Variants in RALB observed in about 807,000 individuals in gnomAD.
RALB encodes ras-related protein Ral-B.
A neutral mutation model predicts 21.3 loss-of-function variants in RALB; 16 were observed. That is an observed-to-expected ratio of 0.75 (90% confidence interval 0.51 to 1.14). The LOEUF (loss-of-function observed/expected upper bound fraction) is 1.14. RALB is among the 50% of genes most tolerant of loss of function. The probability of loss-of-function intolerance (pLI) is 0.00; values close to 1 mark genes in which losing one functional copy is unlikely to be tolerated. For missense variants in RALB, 161 were observed against 256.2 expected (o/e 0.63, Z 2.54); for synonymous variants, 93 against 96.1 (o/e 0.97, Z 0.19).
chr2:120,293,280 A>C lies in RALB; in HGVS notation c.*20A>C, dbSNP rs775827430. On this transcript the variant is annotated 3_prime_UTR_variant, in exon 5 of 5. Transcript: ENST00000272519. ...CTATGAGTGTCAAGGTGACGGATGA[A>C]GCCAGCTGCTCCTAAGGACACAGGG... 4.4e-6 allele frequency: 7 copies of C among 1,603,646 alleles called. No homozygotes were observed. Among genetic ancestry groups the C allele is most frequent in the Middle Eastern group, 1.7e-4 (1 of 6,002 alleles).
chr2:120,251,532 T>G (rs939453212), upstream of RALB, among the ~76,000 whole-genome samples: 9 of 152,198 alleles, frequency 5.9e-5, no homozygotes, highest in Non-Finnish European at 1.2e-4. Context: ...TAACTGCTAG[T>G]CACAAGGTAG....
rs1208732886 is a variant in RALB at position 120,252,982 on chromosome 2, T to G, written c.-48+2T>G. ...CGGAGGCGGCGGGACTGGTCCCTGG[T>G]AAGGGCGCGGCGCCCGCGGGCCCCG... On this transcript the variant is annotated splice_donor_variant, in intron 1 of 4. Transcript: ENST00000272519. LOFTEE classifies it low-confidence loss of function (5UTR_SPLICE). 1.0e-6 allele frequency: 1 copy of G among 984,388 alleles called. No homozygotes were observed. 61.0% of individuals were successfully genotyped at this position (984,388 alleles called of 1,614,324 possible).
Position 120,267,152 on chromosome 2 carries a change from T to G in RALB, c.-47-11466T>G, listed in dbSNP as rs895653762. Among the ~76,000 whole-genome samples the G allele has an allele frequency of 5.3e-5, 8 of 152,168 alleles. 1 individual carries two copies. Among genetic ancestry groups the G allele is most frequent in the Admixed American group, 3.9e-4 (6 of 15,290 alleles). On this transcript the variant is annotated intron_variant, in intron 1 of 4. Transcript: ENST00000272519. ...GCTTACAGGAAGGGACTCCAAAGCC[T>G]TCTAGTTTTTGTTTTAGTTAACTTC...
chr2:120,246,825 C>T (rs555042853), intron 1 of RALB, among the ~76,000 whole-genome samples: 42 of 151,510 alleles, frequency 2.8e-4, no homozygotes, highest in Non-Finnish European at 4.9e-4. Flanking sequence ...GTGCAGTCCC[C>T]GCTGCGTCTG....
chr2:120,288,278 T>A (rs1690215541), intron 3 of RALB, among the ~76,000 whole-genome samples: 1 of 152,086 alleles, frequency 6.6e-6, no homozygotes, highest in African/African-American at 2.4e-5. Flanking sequence ...CATCTTTTCA[T>A]CTTTTTTAGT....
chr2:120,245,182 G>A (rs1364388467), intron 1 of RALB, among the ~76,000 whole-genome samples: 1 of 152,240 alleles, frequency 6.6e-6, no homozygotes, highest in Non-Finnish European at 1.5e-5. Context: ...AGAGAGTGGA[G>A]GTAACCTGTT....
At chr2:120,266,258 T>G (rs557684011) in intron 1 of RALB, among the ~76,000 whole-genome samples, 21 of 152,298 alleles carry the variant, frequency 1.4e-4, no homozygotes, top group Admixed American at 1.2e-3. Context: ...TTTATTTTAT[T>G]TTTTGAGATG....
chr2:120,281,558 A>G (rs755162850), intron 2 of RALB, among the ~76,000 whole-genome samples: 2 of 152,216 alleles, frequency 1.3e-5, no homozygotes, highest in African/African-American at 2.4e-5. Flanking sequence ...AAACCTGGTT[A>G]TCCTCCTGGG....
chr2:120,267,686 A>T lies in RALB; in HGVS notation c.-47-10932A>T, dbSNP rs76030557. Among the ~76,000 whole-genome samples, 59 of 152,352 alleles carry T rather than the reference A, an allele frequency of 3.9e-4. 1 individual carries two copies. In the East Asian group the frequency reaches 0.011, roughly 29 times the overall value. On this transcript the variant is annotated intron_variant, in intron 1 of 4. Transcript: ENST00000272519. ...GGCAGCTGCTCCACAGCACCAGCTG[A>T]GTGGGACTTAGGAATGTCAGACTTC... is the stretch of plus-strand genomic sequence containing the variant.
At chr2:120,291,919 G>T (rs1690313826) in intron 4 of RALB, among the ~76,000 whole-genome samples, 1 of 152,166 alleles carries the variant, frequency 6.6e-6, no homozygotes. Flanking sequence ...CAAGAAGAAG[G>T]TGTGGCCATG....
chr2:120,284,318 TC>T (rs1269854432), intron 2 of RALB, among the ~76,000 whole-genome samples: 3 of 152,234 alleles, frequency 2.0e-5, no homozygotes, highest in Non-Finnish European at 4.4e-5. Context: ...CATTTTCAAT[TC>T]CATTTTTAAG....
At chr2:120,285,128 C>T (rs921877484) in intron 2 of RALB, among the ~76,000 whole-genome samples, 1 of 152,122 alleles carries the variant, frequency 6.6e-6, no homozygotes, top group African/African-American at 2.4e-5. Flanking sequence ...AGGAAACTTA[C>T]AATCATGGCA....
intron 1 of RALB, among the ~76,000 whole-genome samples, chr2:120,265,516 G>C (rs140473413): frequency 2.6e-5 from 4 of 152,288 alleles, no homozygotes; most frequent in South Asian, 2.1e-4. Flanking sequence ...TGTGTTGCCT[G>C]CCTATGCATT....
chr2:120,275,362 C>G (rs187852926), intron 1 of RALB, among the ~76,000 whole-genome samples: 1 of 152,350 alleles, frequency 6.6e-6, no homozygotes, highest in East Asian at 1.9e-4. Context: ...GCCGCTCTTA[C>G]TGCTCTGATT....
At chr2:120,267,329 T>C (rs957561418) in intron 1 of RALB, among the ~76,000 whole-genome samples, 7 of 152,214 alleles carry the variant, frequency 4.6e-5, no homozygotes, top group African/African-American at 1.7e-4. Flanking sequence ...ATATCTAATG[T>C]CAGAAAAAAG....
At chr2:120,248,852 T>A (rs977341997), upstream of RALB, among the ~76,000 whole-genome samples, 1 of 152,098 alleles carries the variant, frequency 6.6e-6, no homozygotes. Context: ...TTATTTTTTA[T>A]AGAAATGGGG....
intron 1 of RALB, among the ~76,000 whole-genome samples, chr2:120,240,827 G>A (rs1688881844): frequency 6.6e-6 from 1 of 152,176 alleles, no homozygotes; most frequent in African/African-American, 2.4e-5. Context: ...TGGCTTCTGG[G>A]CACCTGGGTG....
intron 1 of RALB, among the ~76,000 whole-genome samples, chr2:120,245,123 A>C (rs1688950585): frequency 6.6e-6 from 1 of 152,224 alleles, no homozygotes; most frequent in Non-Finnish European, 1.5e-5. Flanking sequence ...GAGGCTCAGC[A>C]TGGGCTCGTT....
chr2:120,262,446 C>T (rs1689389274), intron 1 of RALB, among the ~76,000 whole-genome samples: 1 of 152,106 alleles, frequency 6.6e-6, no homozygotes, highest in Non-Finnish European at 1.5e-5. Flanking sequence ...CCTGAGGTTG[C>T]AGGGACCAGG....
Sources: gnomAD v4.1 joint callset for allele counts (sites outside exome capture counted in the v4.1 genomes callset) on GRCh38, gnomAD v4.1.1 for gene constraint, MANE v1.5 for transcripts, NCBI Gene and HGNC (gene_info 2026-07-23, HGNC 2026-07-21) for gene names.